The following RNF185 variants were observed in gnomAD, a reference collection of about 807,000 sequenced individuals.
The protein encoded by RNF185 is ring finger protein 185.
Under a neutral mutation model 24.9 loss-of-function variants are expected in RNF185, and 13 were observed. That is an observed-to-expected ratio of 0.52 (90% CI 0.34 to 0.83). The LOEUF (loss-of-function observed/expected upper bound fraction) is 0.83. Among genes scored for constraint, RNF185 ranks in the 40% least tolerant of loss-of-function variants. The pLI, the probability that RNF185 is intolerant of heterozygous loss-of-function variation, is 0.01. For synonymous variants in RNF185, 79 were observed against 90.3 expected, an observed-to-expected ratio of 0.88 and a Z score of 0.71; for missense variants, 184 against 244.7, an observed-to-expected ratio of 0.75 and a Z score of 1.65.
intron 1 of RNF185, among the ~76,000 whole-genome samples, chr22:31,176,937 G>T (rs527978986): frequency 6.6e-6 from 1 of 152,292 alleles, no homozygotes; most frequent in Admixed American, 6.5e-5. Context: ...TAGTTGGGGA[G>T]AAAAAGAGAC....
At chr22:31,183,911 C>T (rs113541203) in intron 1 of RNF185, among the ~76,000 whole-genome samples, 3 of 137,288 alleles carry the variant, frequency 2.2e-5, no homozygotes, top group African/African-American at 5.5e-5. Flanking sequence ...ACCTCCCAGA[C>T]GGGGTGGCGG....
Position 31,195,567 on chromosome 22 carries a change from G to C in RNF185, c.294G>C (p.Gly98=), listed in dbSNP as rs755953255. The C allele has an allele frequency of 6.2e-7, 1 of 1,606,966 alleles. No individual in the cohort carries two copies. The highest frequency in any genetic ancestry group is 1.1e-5 in the South Asian group (1 of 89,582). The change falls in exon 4 of 7, where the codon GGG becomes GGC. Residue 98 remains glycine, a synonymous_variant. Transcript: ENST00000326132. ...CCCTCTATGGAAGGGGCAGCACTGG[G>C]CAACAGGACCCCAGGTGAGGACTCA... ...VIPLYGRGST[G]QQDPREKTPP...
intron 2 of RNF185, among the ~76,000 whole-genome samples, chr22:31,188,566 C>T (rs2048122073): frequency 6.6e-6 from 1 of 152,144 alleles, no homozygotes; most frequent in African/African-American, 2.4e-5. Context: ...GTGGCTCACA[C>T]CTGTAATCCA....
intron 1 of RNF185, among the ~76,000 whole-genome samples, chr22:31,179,098 A>C (rs1380703434): frequency 6.6e-6 from 1 of 152,200 alleles, no homozygotes; most frequent in Non-Finnish European, 1.5e-5. Flanking sequence ...AGGAGAAAAG[A>C]ATGGTCAGGG....
intron 1 of RNF185, among the ~76,000 whole-genome samples, chr22:31,161,170 C>CAAATTTAAGATT (rs1923552569): frequency 6.6e-6 from 1 of 152,158 alleles, no homozygotes; most frequent in Non-Finnish European, 1.5e-5. Context: ...TACAGGAAGG[C>CAAATTTAAGATT]AAGATTTTTG....
intron 1 of RNF185, among the ~76,000 whole-genome samples, chr22:31,172,650 G>A (rs1344419213): frequency 6.7e-6 from 1 of 149,078 alleles, no homozygotes; most frequent in Admixed American, 6.8e-5. Flanking sequence ...TCAGGAGGCT[G>A]AGGCAGGAGA....
chr22:31,177,833 G>A (rs937309764), intron 1 of RNF185, among the ~76,000 whole-genome samples: 1 of 152,208 alleles, frequency 6.6e-6, no homozygotes, highest in Non-Finnish European at 1.5e-5. Flanking sequence ...GACAGAAAAG[G>A]CAGATGATGA....
chr22:31,164,712 G>A (rs1923804857), intron 1 of RNF185, among the ~76,000 whole-genome samples: 1 of 146,370 alleles, frequency 6.8e-6, no homozygotes, highest in Non-Finnish European at 1.5e-5. Flanking sequence ...TCAGCCTCCT[G>A]AATAGCTGCA....
Position 31,196,768 on chromosome 22 carries a change from C to T in RNF185, c.309-168C>T, listed in dbSNP as rs77340990. ...TCTATACACGTGGGAAGAACAGTTGCAGGTAGAATGAAGAGTTCGTATTTG... is the reference window on the plus strand; with the variant it reads ...TCTATACACGTGGGAAGAACAGTTGTAGGTAGAATGAAGAGTTCGTATTTG... On this transcript the variant is annotated intron_variant, in intron 4 of 6. Coordinates refer to ENST00000326132, the MANE Select transcript of RNF185 (RefSeq NM_152267.4). Among the ~76,000 whole-genome samples, 758 of 152,310 alleles carry T rather than the reference C, an allele frequency of 5.0e-3. 5 individuals are homozygous for T. The highest frequency in any genetic ancestry group is 0.017 in the African/African-American group (705 of 41,564).
At chr22:31,183,974 T>TG (rs2048067551) in intron 1 of RNF185, among the ~76,000 whole-genome samples, 1 of 902 alleles carries the variant, frequency 1.1e-3, no homozygotes, top group African/African-American at 3.5e-3. Flanking sequence ...AGGCGGGGGC[T>TG]GCCCCGAGCT....
chr22:31,167,210 C>G (rs893514670), intron 1 of RNF185, among the ~76,000 whole-genome samples: 2 of 152,102 alleles, frequency 1.3e-5, no homozygotes, highest in African/African-American at 4.8e-5. Flanking sequence ...GGGTCTCACT[C>G]TGTGGCCTAG....
chr22:31,199,229 G>A (rs1357433432), intron 5 of RNF185, among the ~76,000 whole-genome samples: 3 of 152,150 alleles, frequency 2.0e-5, no homozygotes, highest in African/African-American at 7.2e-5. Context: ...AGCTTTATAT[G>A]CATGATCTCA....
At chr22:31,201,415 C>G (rs1568974047) in intron 5 of RNF185, 83 bp from the exon 6 acceptor site, 2 of 981,376 alleles carry the variant, frequency 2.0e-6, no homozygotes, top group Non-Finnish European at 3.3e-6. Flanking sequence ...ACATGCAAGA[C>G]AACGTGAGGT....
chr22:31,189,750 T>TACACACCACC (rs2048138172), intron 2 of RNF185, among the ~76,000 whole-genome samples: 1 of 39,068 alleles, frequency 2.6e-5, no homozygotes, highest in African/African-American at 3.3e-4. Flanking sequence ...GGATTACAGG[T>TACACACCACC]GCACCCAGCT....
intron 3 of RNF185, among the ~76,000 whole-genome samples, chr22:31,194,859 C>T (rs1333757806): frequency 2.0e-5 from 3 of 152,198 alleles, no homozygotes; most frequent in African/African-American, 4.8e-5. Context: ...CTGGGCATGT[C>T]AGACTTGACA....
chr22:31,169,681 G>C (rs960162789), intron 1 of RNF185, among the ~76,000 whole-genome samples: 3 of 152,050 alleles, frequency 2.0e-5, no homozygotes, highest in Non-Finnish European at 4.4e-5. Context: ...TGAGTAGTTG[G>C]GACCACAGGC....
chr22:31,184,325 G>A (rs1295636049), intron 1 of RNF185, among the ~76,000 whole-genome samples: 3 of 151,534 alleles, frequency 2.0e-5, no homozygotes, highest in South Asian at 2.1e-4. Context: ...ACGGGGTGGC[G>A]GGGCAGAGGC....
intron 4 of RNF185, among the ~76,000 whole-genome samples, chr22:31,196,175 C>A (rs758431359): frequency 6.6e-6 from 1 of 152,160 alleles, no homozygotes; most frequent in African/African-American, 2.4e-5. Context: ...TCTTCCCTCC[C>A]CAGTCCTGCT....
chr22:31,170,789 T>C (rs550123927), intron 1 of RNF185, among the ~76,000 whole-genome samples: 3 of 152,086 alleles, frequency 2.0e-5, no homozygotes, highest in African/African-American at 7.2e-5. Context: ...GGATTACAGG[T>C]GTGAGCCACC....
Sources: allele counts gnomAD v4.1 joint callset (sites outside exome capture counted in the v4.1 genomes callset), GRCh38; gene constraint gnomAD v4.1.1; transcripts MANE v1.5; gene names NCBI Gene and HGNC (gene_info 2026-07-23, HGNC 2026-07-21).